FHIT: variants seen among roughly 807,000 people sequenced by gnomAD.
The protein encoded by FHIT is fragile histidine triad diadenosine triphosphatase.
A neutral mutation model predicts 17.9 loss-of-function variants in FHIT; 19 were observed. That is an observed-to-expected ratio of 1.06 (90% confidence interval 0.74 to 1.56). The LOEUF is 1.56. FHIT is among the 40% of genes most tolerant of loss of function. The pLI, the probability that FHIT is intolerant of heterozygous loss-of-function variation, is 0.00. For synonymous variants in FHIT, 81 were observed against 69.7 expected (o/e 1.16, Z -0.81); for missense variants, 248 against 189.2 (o/e 1.31, Z -1.82).
At chr3:60,572,068 A>C (rs1263732913) in intron 4 of FHIT, among the ~76,000 whole-genome samples, 1 of 150,816 alleles carries the variant, frequency 6.6e-6, no homozygotes. Flanking sequence ...TACTTGAAGA[A>C]ACTTAGAGTC....
chr3:60,149,660 A>G (rs376599652), intron 5 of FHIT, among the ~76,000 whole-genome samples: 1 of 152,038 alleles, frequency 6.6e-6, no homozygotes, highest in East Asian at 1.9e-4. Flanking sequence ...CCCTGACATC[A>G]TTTGGGAATT....
At chr3:60,678,707 T>C (rs549079201) in intron 4 of FHIT, among the ~76,000 whole-genome samples, 1 of 152,172 alleles carries the variant, frequency 6.6e-6, no homozygotes, top group Non-Finnish European at 1.5e-5. Flanking sequence ...AGTTGAAAAA[T>C]ACAGAGCTCT....
intron 4 of FHIT, among the ~76,000 whole-genome samples, chr3:60,553,871 A>G (rs1319365198): frequency 6.6e-6 from 1 of 152,094 alleles, no homozygotes; most frequent in African/African-American, 2.4e-5. Flanking sequence ...AGATCACTTG[A>G]GGTCAGGAGT....
chr3:60,204,662 A>G (rs1576304734), intron 5 of FHIT, among the ~76,000 whole-genome samples: 2 of 152,148 alleles, frequency 1.3e-5, no homozygotes, highest in Non-Finnish European at 2.9e-5. Context: ...ATTTAATAGA[A>G]GTCAGAAAAT....
chr3:60,626,882 C>T (rs1553681151), intron 4 of FHIT, among the ~76,000 whole-genome samples: 1 of 143,876 alleles, frequency 7.0e-6, no homozygotes, highest in African/African-American at 2.6e-5. Context: ...ATTCTATTTC[C>T]TTGAGTGTTT....
intron 4 of FHIT, among the ~76,000 whole-genome samples, chr3:60,574,377 T>G (rs2037494289): frequency 1.3e-5 from 2 of 151,962 alleles, no homozygotes; most frequent in African/African-American, 4.8e-5. Context: ...TTTTTTTTTT[T>G]TAACCTTAGC....
chr3:61,003,491 A>C (rs1185539695), intron 3 of FHIT, among the ~76,000 whole-genome samples: 1 of 152,230 alleles, frequency 6.6e-6, no homozygotes, highest in Non-Finnish European at 1.5e-5. Flanking sequence ...GATGATTCTA[A>C]TATTCACTTA....
chr3:61,079,480 G>A (rs556748003), intron 2 of FHIT, among the ~76,000 whole-genome samples: 19 of 151,890 alleles, frequency 1.3e-4, no homozygotes, highest in South Asian at 1.0e-3. Context: ...TGGACTTCAC[G>A]AATCAAAAAA....
chr3:60,049,164 T>G (rs1701771587), intron 5 of FHIT, among the ~76,000 whole-genome samples: 1 of 152,206 alleles, frequency 6.6e-6, no homozygotes, highest in Non-Finnish European at 1.5e-5. Flanking sequence ...AATAAAATAC[T>G]GGGGTTTTAT....
At chr3:61,227,165 C>A (rs1208604493) in intron 1 of FHIT, among the ~76,000 whole-genome samples, 2 of 152,086 alleles carry the variant, frequency 1.3e-5, no homozygotes, top group Non-Finnish European at 2.9e-5. Context: ...CAGAATGTTT[C>A]CTTTCAAAGA....
chr3:60,610,278 T>C (rs781879342), intron 4 of FHIT, among the ~76,000 whole-genome samples: 1 of 152,218 alleles, frequency 6.6e-6, no homozygotes, highest in Non-Finnish European at 1.5e-5. Context: ...CAAACAATCT[T>C]GTGATTGATT....
At chr3:60,622,820 G>T (rs2039172005) in intron 4 of FHIT, among the ~76,000 whole-genome samples, 1 of 152,172 alleles carries the variant, frequency 6.6e-6, no homozygotes, top group Admixed American at 6.5e-5. Context: ...ATTATTCCAA[G>T]ACCTTGTCCT....
intron 5 of FHIT, among the ~76,000 whole-genome samples, chr3:60,363,101 C>A (rs550095534): frequency 6.6e-6 from 1 of 152,160 alleles, no homozygotes; most frequent in East Asian, 1.9e-4. Flanking sequence ...AGGCAGTATG[C>A]AACAAAGAGT....
intron 5 of FHIT, among the ~76,000 whole-genome samples, chr3:60,496,461 C>T (rs1286823210): frequency 1.3e-5 from 2 of 152,130 alleles, no homozygotes; most frequent in Non-Finnish European, 2.9e-5. Context: ...CCATCTTTTA[C>T]CCACCAGAGT....
intron 5 of FHIT, among the ~76,000 whole-genome samples, chr3:60,148,812 A>T (rs4679639): frequency 3.3e-5 from 5 of 152,024 alleles, no homozygotes; most frequent in African/African-American, 7.3e-5. Context: ...ATTCATTCTT[A>T]GGCATTAACT....
At chr3:59,877,057 G>T (rs767937903) in intron 8 of FHIT, among the ~76,000 whole-genome samples, 61 of 152,178 alleles carry the variant, frequency 4.0e-4, no homozygotes, top group Non-Finnish European at 7.1e-4. Context: ...TAGTTATTGT[G>T]TGACCATGAA....
rs242212 is a variant in FHIT at position 60,404,070 on chromosome 3, C to A, written c.103+132790G>T. Among the ~76,000 whole-genome samples the A allele has an allele frequency of 9.9e-3, 1,508 of 152,292 alleles. 16 individuals carry two copies. Among genetic ancestry groups the A allele is most frequent in the Non-Finnish European group, 0.016 (1,117 of 68,024 alleles). ...CAATCAGACTGATTGTGGGCCAAGT[C>A]TGCCTTTGCACAGAAGTGCAACTTT... is the stretch of plus-strand genomic sequence containing the variant. On this transcript the variant is annotated intron_variant, in intron 5 of 9. Coordinates refer to ENST00000492590, the MANE Select transcript of FHIT (RefSeq NM_002012.4).
chr3:60,640,654 A>G (rs968986646), intron 4 of FHIT, among the ~76,000 whole-genome samples: 1 of 152,212 alleles, frequency 6.6e-6, no homozygotes, highest in Non-Finnish European at 1.5e-5. Context: ...CAAAGCAACC[A>G]AAGGCAATGC....
At chr3:59,898,264 T>G (rs1251003628) in intron 8 of FHIT, among the ~76,000 whole-genome samples, 4 of 152,218 alleles carry the variant, frequency 2.6e-5, no homozygotes, top group African/African-American at 9.6e-5. Context: ...TGTTTAGACT[T>G]GGGTCCCATT....
Sources: allele counts gnomAD v4.1 joint callset (sites outside exome capture counted in the v4.1 genomes callset), GRCh38; gene constraint gnomAD v4.1.1; transcripts MANE v1.5; gene names NCBI Gene and HGNC (gene_info 2026-07-23, HGNC 2026-07-21).